Variants in KIF1B observed in about 807,000 individuals in gnomAD.
KIF1B encodes the protein kinesin family member 1B, also known as kinesin-like protein KIF1B.
In KIF1B, 76 loss-of-function variants were observed where a neutral mutation model predicts 241.9. The ratio of observed to expected loss-of-function variants is 0.31; its 90% CI spans 0.26 to 0.38. The LOEUF is 0.38. Ranked by LOEUF, KIF1B falls within the 10% of genes least tolerant of loss-of-function variation. KIF1B has a pLI of 1.00. For synonymous variants in KIF1B, 750 were observed against 796.7 expected, an observed-to-expected ratio of 0.94 and a Z score of 0.99; for missense variants, 1,622 against 2,271.4, an observed-to-expected ratio of 0.71 and a Z score of 5.81.
At chr1:10,375,786 G>GTTTTTTTTTTTTTTTTTTTTT (rs201620952) in intron 48 of KIF1B, among the ~76,000 whole-genome samples, 2 of 69,566 alleles carry the variant, frequency 2.9e-5, no homozygotes, top group Admixed American at 2.0e-4. Context: ...TTCTTTTCTT[G>GTTTTTTTTTTTTTTTTTTTTT]TTTTTTTTTT....
chr1:10,372,660 A>AGT, intron 45 of KIF1B, among the ~76,000 whole-genome samples: 1 of 117,558 alleles, frequency 8.5e-6, no homozygotes, highest in East Asian at 3.2e-4. Context: ...CTTGGGTGAC[A>AGT]GAGCTGTCAC....
chr1:10,311,215 C>CT (rs201700385), intron 22 of KIF1B, among the ~76,000 whole-genome samples: 1,808 of 136,946 alleles, frequency 0.013, 37 homozygotes, highest in African/African-American at 0.019. Context: ...ACCTCCCATT[C>CT]TTTTTTTTTT....
chr1:10,257,376 A>T (rs1374855065), intron 3 of KIF1B, among the ~76,000 whole-genome samples: 1 of 150,048 alleles, frequency 6.7e-6, no homozygotes. Flanking sequence ...TGGGAGGCTG[A>T]GGCAGGTGAA....
At chr1:10,370,643 A>AAATAATAATAATAATAATAAT (rs200343928) in intron 44 of KIF1B, among the ~76,000 whole-genome samples, 302 of 147,962 alleles carry the variant, frequency 2.0e-3, no homozygotes, top group East Asian at 0.015. Flanking sequence ...TCGAGAAAGA[A>AAATAATAATAATAATAATAAT]AATAATAATA....
Position 10,289,735 on chromosome 1 carries a change from C to T in KIF1B, c.1435-1347C>T, listed in dbSNP as rs147467058. Among the ~76,000 whole-genome samples, 224 of 152,120 alleles carry T rather than the reference C, an allele frequency of 1.5e-3. 1 individual carries two copies. Among genetic ancestry groups the T allele is most frequent in the African/African-American group, 4.9e-3 (202 of 41,512 alleles). ...CTCATATCTACTAAAAATACAAAAA[C>T]TTGCCGGACATAGTGGTGTGCACCT... On this transcript the variant is annotated intron_variant, in intron 15 of 48. Coordinates refer to ENST00000676179, the MANE Select transcript of KIF1B (RefSeq NM_001365951.3).
intron 22 of KIF1B, 24 bp from the exon 23 acceptor site, chr1:10,320,019 G>A (rs1436604634): frequency 1.3e-6 from 2 of 1,520,902 alleles, no homozygotes; most frequent in Non-Finnish European, 9.1e-7. Context: ...TCTCCTACAT[G>A]TTATCTCCTT....
chr1:10,267,245 G>T, intron 5 of KIF1B, 135 bp from the exon 6 acceptor site: 1 of 708,232 alleles, frequency 1.4e-6, no homozygotes, highest in South Asian at 1.5e-5. Flanking sequence ...TCTCGAACTC[G>T]TAGTTCGAGT....
At chr1:10,246,047 T>G (rs914335394) in intron 2 of KIF1B, among the ~76,000 whole-genome samples, 2 of 152,260 alleles carry the variant, frequency 1.3e-5, no homozygotes, top group South Asian at 4.2e-4. Context: ...TGGTGATAAC[T>G]CCCAGATTCA....
chr1:10,234,802 A>G (rs1459771123), intron 2 of KIF1B, among the ~76,000 whole-genome samples: 1 of 151,460 alleles, frequency 6.6e-6, no homozygotes, highest in Non-Finnish European at 1.5e-5. Context: ...GATTGCAGGT[A>G]TGAGCCACTG....
At chr1:10,354,966 A>G (rs1275105738) in intron 38 of KIF1B, among the ~76,000 whole-genome samples, 1 of 152,212 alleles carries the variant, frequency 6.6e-6, no homozygotes, top group Non-Finnish European at 1.5e-5. Flanking sequence ...TAATACATTG[A>G]TAGTGGGGTA....
In KIF1B at chr1:10,374,320, C is replaced by T; in HGVS notation, c.4951C>T (p.Pro1651Ser). 1.9e-6 allele frequency: 3 copies of T among 1,613,978 alleles called. No homozygotes were observed. The highest frequency in any genetic ancestry group is 2.5e-6 in the Non-Finnish European group (3 of 1,179,926). ...SRSNSLDQKT[P>S]EANSRASSPC... Reference sequence around the variant, plus strand: ...TCTAATCTCTCTATTTTAAAGGACCCCAGAAGCCAATTCCCGGGCCTCTAG... The same window carrying T: ...TCTAATCTCTCTATTTTAAAGGACCTCAGAAGCCAATTCCCGGGCCTCTAG... The change falls in exon 46 of 49, where the codon CCA (proline) becomes TCA (serine). Residue 1651 changes from proline to serine, a missense_variant. Physicochemically the swap from Pro to Ser is moderately conservative, Grantham distance 74. This residue lies in a region of KIF1B where 357 missense variants were observed against 409.0 expected (regional missense o/e 0.87). Transcript: ENST00000676179. This position sits in a 1 kb window ranked among gnomAD's most constrained non-coding sequence, Gnocchi z 4.3.
chr1:10,345,735 CTCT>C (rs1395441072), intron 34 of KIF1B, 107 bp from the exon 35 acceptor site: 33 of 784,678 alleles, frequency 4.2e-5, no homozygotes, highest in Non-Finnish European at 6.9e-5. Flanking sequence ...TTTCCTCTGA[CTCT>C]TGCTGCCTTT....
rs568459511 is a variant in KIF1B at position 10,252,258 on chromosome 1, G to A, written c.107-3989G>A. Among the ~76,000 whole-genome samples the A allele has an allele frequency of 2.7e-5, 4 of 150,058 alleles. No individual in the cohort carries two copies. The South Asian group carries it at 6.4e-4, about 24-fold the overall frequency. Reference sequence around the variant, plus strand: ...TTTCACCACGTTGGCCAGGCTGGTCGCAAACTCCTGACCTCAAGTGATCAA... The same window carrying A: ...TTTCACCACGTTGGCCAGGCTGGTCACAAACTCCTGACCTCAAGTGATCAA... On this transcript the variant is annotated intron_variant, in intron 2 of 48. Transcript: ENST00000676179.
intron 27 of KIF1B, among the ~76,000 whole-genome samples, chr1:10,333,929 G>T (rs1652059401): frequency 6.6e-6 from 1 of 151,862 alleles, no homozygotes; most frequent in South Asian, 2.1e-4. Flanking sequence ...GAGGCGGGTG[G>T]ATCACAAGGT....
intron 37 of KIF1B, among the ~76,000 whole-genome samples, chr1:10,350,134 C>A (rs1652737053): frequency 6.6e-6 from 1 of 150,840 alleles, no homozygotes; most frequent in Admixed American, 6.6e-5. Context: ...ACTAAAAATA[C>A]AAAAATTAGC....
chr1:10,301,870 C>A (rs921429176), intron 22 of KIF1B, among the ~76,000 whole-genome samples: 2 of 152,164 alleles, frequency 1.3e-5, no homozygotes, highest in Admixed American at 1.3e-4. Context: ...AGAGCGATTG[C>A]TTATTATCTA....
At chr1:10,255,737 T>C (rs765229014) in intron 2 of KIF1B, among the ~76,000 whole-genome samples, 1 of 152,252 alleles carries the variant, frequency 6.6e-6, no homozygotes, top group Non-Finnish European at 1.5e-5. Flanking sequence ...CAGTTAATGC[T>C]GTTGGTCTGG....
intron 28 of KIF1B, 113 bp downstream of exon 28, chr1:10,334,751 ATGTG>A: frequency 2.5e-6 from 2 of 803,404 alleles, no homozygotes; most frequent in Non-Finnish European, 4.4e-6. Flanking sequence ...GGGAGTTTGT[ATGTG>A]TAATATACAG....
At chr1:10,355,981 T>G (rs1638229437) in intron 38 of KIF1B, among the ~76,000 whole-genome samples, 1 of 152,174 alleles carries the variant, frequency 6.6e-6, no homozygotes, top group Non-Finnish European at 1.5e-5. Flanking sequence ...TGGTTTGGTA[T>G]TAAAGGAAGT....
Sources: gnomAD v4.1 joint callset for allele counts (sites outside exome capture counted in the v4.1 genomes callset) on GRCh38, gnomAD v4.1.1 for gene constraint, gnomAD v4.1.1 regional missense constraint, Gnocchi (gnomAD v3.1) non-coding constraint, MANE v1.5 for transcripts, NCBI Gene and HGNC (gene_info 2026-07-23, HGNC 2026-07-21) for gene names.